The following ULK4 variants were observed in gnomAD, a reference collection of about 807,000 sequenced individuals.
ULK4 encodes the protein unc-51 like kinase 4.
ULK4 carries 133 observed loss-of-function variants against 160.6 expected under a neutral mutation model. The ratio of observed to expected loss-of-function variants is 0.83; its 90% confidence interval spans 0.72 to 0.96. The LOEUF is 0.96. Ranked by LOEUF, ULK4 falls within the 40% of genes least tolerant of loss-of-function variation. The pLI is 0.00. For synonymous variants in ULK4, 534 were observed against 539.8 expected, an observed-to-expected ratio of 0.99 and a Z score of 0.15; for missense variants, 1,580 against 1,499.5, an observed-to-expected ratio of 1.05 and a Z score of -0.89.
chr3:41,896,118 T>C (rs1698142097), intron 15 of ULK4, among the ~76,000 whole-genome samples: 1 of 152,150 alleles, frequency 6.6e-6, no homozygotes, highest in Non-Finnish European at 1.5e-5. Context: ...ATGTCTTCCT[T>C]CAATGTCACA....
intron 34 of ULK4, among the ~76,000 whole-genome samples, chr3:41,441,179 C>G (rs906853034): frequency 6.6e-6 from 1 of 152,014 alleles, no homozygotes; most frequent in African/African-American, 2.4e-5. Context: ...CTTTCTTCTA[C>G]TTACGTTGGG....
chr3:41,608,996 T>C (rs2032523363), intron 31 of ULK4, among the ~76,000 whole-genome samples: 2 of 152,208 alleles, frequency 1.3e-5, no homozygotes, highest in African/African-American at 4.8e-5. Flanking sequence ...ATGTACTATT[T>C]CCTCAAAGTG....
intron 9 of ULK4, among the ~76,000 whole-genome samples, chr3:41,912,295 C>A (rs559396767): frequency 6.7e-6 from 1 of 149,194 alleles, no homozygotes; most frequent in Non-Finnish European, 1.5e-5. Flanking sequence ...TACCACTACA[C>A]TCCTGCCTAG....
intron 32 of ULK4, among the ~76,000 whole-genome samples, chr3:41,512,733 T>C (rs1174866927): frequency 6.6e-6 from 1 of 151,958 alleles, no homozygotes; most frequent in Non-Finnish European, 1.5e-5. Context: ...TAATTCCTCA[T>C]CGAAATACCA....
chr3:41,884,127 T>C (rs1162151882), intron 16 of ULK4, among the ~76,000 whole-genome samples, 175 bp from the exon 17 acceptor site: 3 of 152,208 alleles, frequency 2.0e-5, no homozygotes, highest in East Asian at 1.9e-4. Flanking sequence ...AAACTCTCCC[T>C]CGTATACTTA....
At chr3:41,481,408 G>T (rs1004494123) in intron 32 of ULK4, among the ~76,000 whole-genome samples, 2 of 152,086 alleles carry the variant, frequency 1.3e-5, no homozygotes, top group African/African-American at 2.4e-5. Context: ...AAATCTACTG[G>T]GCTGCATTCC....
intron 17 of ULK4, chr3:41,859,461 T>C (rs2042445921): frequency 1.8e-6 from 1 of 552,120 alleles, no homozygotes; most frequent in Admixed American, 1.9e-5. Context: ...AGCAGAAACC[T>C]GGACAGGTCA....
Position 41,398,261 on chromosome 3 carries a change from G to A in ULK4, c.3496C>T (p.Pro1166Ser). Residue 1166 changes from proline (P) to serine (S), a missense_variant, in exon 35 of 37, where the codon CCT (proline) becomes TCT (serine). Coordinates refer to ENST00000301831, the MANE Select transcript of ULK4 (RefSeq NM_017886.4). ...TCAAAAATCTCAGGATCTTCATTAG[G>A]AAGCTGAAAATTAACAAATAAGACT... ...DLISLLIPLL[P>S]NEDPEIFDVS... The A allele has an allele frequency of 6.2e-7, 1 of 1,611,014 alleles. No individual in the cohort carries two copies. Among genetic ancestry groups the A allele is most frequent in the South Asian group, 1.1e-5 (1 of 90,514 alleles).
chr3:41,275,078 A>G (rs1375517103), intron 35 of ULK4, among the ~76,000 whole-genome samples: 1 of 152,212 alleles, frequency 6.6e-6, no homozygotes, highest in Non-Finnish European at 1.5e-5. Flanking sequence ...AATCCTCATG[A>G]GAAAGACACA....
intron 17 of ULK4, among the ~76,000 whole-genome samples, chr3:41,844,581 T>A (rs968055479): frequency 3.9e-5 from 6 of 152,036 alleles, no homozygotes; most frequent in African/African-American, 1.4e-4. Flanking sequence ...GGGAGCCGGC[T>A]CCAGCCTTGG....
At chr3:41,686,066 T>C (rs2036092195) in intron 27 of ULK4, among the ~76,000 whole-genome samples, 1 of 152,202 alleles carries the variant, frequency 6.6e-6, no homozygotes, top group Non-Finnish European at 1.5e-5. Context: ...TATTTACAGG[T>C]ACTATAGTCA....
At chr3:41,383,789 C>A (rs2081732993) in intron 35 of ULK4, among the ~76,000 whole-genome samples, 1 of 152,168 alleles carries the variant, frequency 6.6e-6, no homozygotes. Context: ...ACAACTTATA[C>A]TGGGCAGATT....
At chr3:41,419,368 C>T (rs1271724218) in intron 34 of ULK4, among the ~76,000 whole-genome samples, 1 of 152,098 alleles carries the variant, frequency 6.6e-6, no homozygotes, top group Non-Finnish European at 1.5e-5. Context: ...AATTAGATCA[C>T]CATCCTATGG....
At chr3:41,661,426 C>T (rs1181286940) in intron 30 of ULK4, among the ~76,000 whole-genome samples, 1 of 150,782 alleles carries the variant, frequency 6.6e-6, no homozygotes, top group African/African-American at 2.5e-5. Context: ...CAGGTATATA[C>T]ACATATGTGT....
chr3:41,383,405 T>C (rs1486613194), intron 35 of ULK4, among the ~76,000 whole-genome samples: 1 of 152,172 alleles, frequency 6.6e-6, no homozygotes, highest in Non-Finnish European at 1.5e-5. Flanking sequence ...GGCCTGGAAG[T>C]ATTTTTCAAA....
intron 21 of ULK4, among the ~76,000 whole-genome samples, chr3:41,780,946 T>C (rs930620812): frequency 2.0e-5 from 3 of 152,068 alleles, no homozygotes; most frequent in African/African-American, 4.8e-5. Flanking sequence ...AAAGGTTTTG[T>C]TAACCCTTTA....
At chr3:41,545,371 A>G (rs1390834206) in intron 32 of ULK4, among the ~76,000 whole-genome samples, 1 of 152,154 alleles carries the variant, frequency 6.6e-6, no homozygotes, top group African/African-American at 2.4e-5. Context: ...CCTTATTTCA[A>G]CTTCATTTTA....
intron 22 of ULK4, among the ~76,000 whole-genome samples, chr3:41,733,734 T>A (rs907274626): frequency 5.5e-5 from 6 of 109,378 alleles, no homozygotes; most frequent in Non-Finnish European, 1.1e-4. Flanking sequence ...GATTTTTTTT[T>A]TTTTTTTTTT....
chr3:41,945,051 G>C (rs1553690868), intron 2 of ULK4, among the ~76,000 whole-genome samples: 1 of 152,172 alleles, frequency 6.6e-6, no homozygotes, highest in South Asian at 2.1e-4. Flanking sequence ...CAGAATCTAG[G>C]CTCAATTTCT....
Sources: gnomAD v4.1 joint callset for allele counts (sites outside exome capture counted in the v4.1 genomes callset) on GRCh38, gnomAD v4.1.1 for gene constraint, MANE v1.5 for transcripts, NCBI Gene and HGNC (gene_info 2026-07-23, HGNC 2026-07-21) for gene names.